Variants in RNF150 observed in about 807,000 individuals in gnomAD.
The protein encoded by RNF150 is ring finger protein 150.
A neutral mutation model predicts 39.3 loss-of-function variants in RNF150; 24 were observed. That is an observed-to-expected ratio of 0.61 (90% CI 0.44 to 0.86). The LOEUF is 0.86. RNF150 is among the 40% of genes least tolerant of loss of function. The pLI is 0.00. For missense variants in RNF150, 502 were observed against 587.8 expected, an observed-to-expected ratio of 0.85 and a Z score of 1.51; for synonymous variants, 255 against 227.3, an observed-to-expected ratio of 1.12 and a Z score of -1.10.
Position 140,864,576 on chromosome 4 carries a change from T to C in RNF150, c.*3685A>G, listed in dbSNP as rs1252780894. The C allele has an allele frequency of 6.6e-6, 1 of 152,184 alleles. No individual in the cohort carries two copies. Among genetic ancestry groups the C allele is most frequent in the Non-Finnish European group, 1.5e-5 (1 of 68,064 alleles). The allele number at this position is 152,184 out of a possible 1,614,324, so 9.4% of individuals were successfully genotyped here. ...TTTTCAAGAAGGCCACATAAAGTCT[T>C]GCATTTCTCATTCTTTCCTCCCAAG... On this transcript the variant is annotated 3_prime_UTR_variant, in exon 7 of 7. Transcript: ENST00000515673.
intron 2 of RNF150, among the ~76,000 whole-genome samples, chr4:140,953,551 A>G (rs1032147256): frequency 6.6e-6 from 1 of 151,740 alleles, no homozygotes; most frequent in Non-Finnish European, 1.5e-5. Flanking sequence ...AGAGTTCTGG[A>G]TTAACAAAAT....
At chr4:140,989,901 A>T (rs920588132) in intron 1 of RNF150, among the ~76,000 whole-genome samples, 4 of 152,212 alleles carry the variant, frequency 2.6e-5, no homozygotes, top group Non-Finnish European at 5.9e-5. Context: ...GAGCATTTTA[A>T]ATTCTTGTTC....
At chr4:140,993,425 C>T (rs1480558799) in intron 1 of RNF150, among the ~76,000 whole-genome samples, 1 of 152,202 alleles carries the variant, frequency 6.6e-6, no homozygotes, top group East Asian at 1.9e-4. Context: ...TTAATCACAT[C>T]TGGGAAGTCC....
At chr4:140,959,938 T>C (rs969143227) in intron 2 of RNF150, among the ~76,000 whole-genome samples, 1 of 152,136 alleles carries the variant, frequency 6.6e-6, no homozygotes, top group African/African-American at 2.4e-5. Flanking sequence ...AGTGAGCTCA[T>C]CCTGTCCTGA....
intron 1 of RNF150, among the ~76,000 whole-genome samples, chr4:141,155,115 A>T (rs1727362214): frequency 6.6e-6 from 1 of 152,082 alleles, no homozygotes; most frequent in Admixed American, 6.6e-5. Context: ...AGACAGAGTC[A>T]TGCCCTGTCA....
chr4:140,898,734 G>A (rs1475351819), intron 6 of RNF150, among the ~76,000 whole-genome samples: 1 of 152,056 alleles, frequency 6.6e-6, no homozygotes, highest in South Asian at 2.1e-4. Context: ...AACCCATTGA[G>A]TTCATGCTTA....
chr4:141,096,939 C>A (rs1456558066), intron 1 of RNF150, among the ~76,000 whole-genome samples: 1 of 152,194 alleles, frequency 6.6e-6, no homozygotes, highest in Admixed American at 6.5e-5. Flanking sequence ...TGGCTGATAA[C>A]CAGAGTGAGA....
intron 1 of RNF150, among the ~76,000 whole-genome samples, chr4:141,070,670 A>G (rs1737659222): frequency 7.0e-6 from 1 of 143,122 alleles, no homozygotes; most frequent in South Asian, 2.3e-4. Context: ...TGCAAATCAA[A>G]ACCACAATGA....
At chr4:141,112,400 A>C (rs1739413587) in intron 1 of RNF150, among the ~76,000 whole-genome samples, 3 of 151,938 alleles carry the variant, frequency 2.0e-5, no homozygotes, top group Admixed American at 1.3e-4. Flanking sequence ...TTCTTTCAGG[A>C]CCTCTTGTAA....
intron 1 of RNF150, among the ~76,000 whole-genome samples, chr4:141,032,027 T>C (rs908012120): frequency 6.6e-5 from 10 of 151,724 alleles, no homozygotes; most frequent in Admixed American, 3.9e-4. Context: ...TGTATATATA[T>C]ACACACATAT....
intron 6 of RNF150, among the ~76,000 whole-genome samples, chr4:140,881,447 A>C (rs1203988743): frequency 3.9e-5 from 6 of 152,278 alleles, no homozygotes; most frequent in Non-Finnish European, 2.9e-5. Flanking sequence ...TACAAGCATG[A>C]GCCACCACAC....
chr4:141,106,790 A>G (rs957435506), intron 1 of RNF150, among the ~76,000 whole-genome samples: 13 of 152,012 alleles, frequency 8.6e-5, no homozygotes, highest in Admixed American at 2.0e-4. Flanking sequence ...GCGAAATTCC[A>G]TCTCAAAAAA....
At chr4:140,903,085 G>A (rs1047339912) in intron 6 of RNF150, among the ~76,000 whole-genome samples, 2 of 152,110 alleles carry the variant, frequency 1.3e-5, no homozygotes, top group African/African-American at 2.4e-5. Flanking sequence ...CTTTAATCAC[G>A]GAGCTAGGGG....
rs1560730836 is a variant in RNF150 at position 141,086,063 on chromosome 4, CACACA to C, written c.484+46257_484+46261del. On this transcript the variant is annotated intron_variant, in intron 1 of 6. Transcript: ENST00000515673. ...ACACACACACACACACACACACACA[CACACA>C]CCCTTCTAGGTGCCAGTGGCAAGCA... Among the ~76,000 whole-genome samples, 34 of 151,354 alleles carry C rather than the reference CACACA, an allele frequency of 2.2e-4. No homozygotes were observed. In the East Asian group the frequency reaches 5.3e-3, roughly 23 times the overall value.
intron 1 of RNF150, among the ~76,000 whole-genome samples, chr4:141,209,560 A>C (rs1171811173): frequency 6.6e-6 from 1 of 152,214 alleles, no homozygotes; most frequent in Non-Finnish European, 1.5e-5. Context: ...GAGGCTAAAA[A>C]TAACTATGTA....
At chr4:140,979,994 T>G (rs967641173) in intron 1 of RNF150, among the ~76,000 whole-genome samples, 1 of 152,166 alleles carries the variant, frequency 6.6e-6, no homozygotes, top group African/African-American at 2.4e-5. Flanking sequence ...GTGTTTTATT[T>G]TGCTTTGAAC....
intron 1 of RNF150, among the ~76,000 whole-genome samples, chr4:141,119,441 C>T (rs780203507): frequency 3.9e-5 from 6 of 152,164 alleles, no homozygotes; most frequent in African/African-American, 1.4e-4. Flanking sequence ...TACCACATGC[C>T]CATATCCCAG....
intron 1 of RNF150, among the ~76,000 whole-genome samples, chr4:141,020,192 G>A (rs1020265172): frequency 1.3e-5 from 2 of 151,666 alleles, no homozygotes; most frequent in Non-Finnish European, 2.9e-5. Flanking sequence ...TAGCTTGACT[G>A]CTCCATTGCC....
At chr4:140,962,050 A>ATC (rs894778704) in intron 2 of RNF150, among the ~76,000 whole-genome samples, 3 of 122,880 alleles carry the variant, frequency 2.4e-5, no homozygotes, top group African/African-American at 2.8e-5. Flanking sequence ...TCTGATTAAC[A>ATC]TCTCTCTCTC....
Sources: allele counts gnomAD v4.1 joint callset (sites outside exome capture counted in the v4.1 genomes callset), GRCh38; gene constraint gnomAD v4.1.1; transcripts MANE v1.5; gene names NCBI Gene and HGNC (gene_info 2026-07-23, HGNC 2026-07-21).